Variants in ZNF611 observed in about 807,000 individuals in gnomAD.
ZNF611 encodes zinc finger protein 611.
Under a neutral mutation model 8.9 loss-of-function variants are expected in ZNF611, and 6 were observed. The ratio of observed to expected loss-of-function variants is 0.68; its 90% CI spans 0.37 to 1.34. ZNF611 has a LOEUF of 1.34. Among genes scored for constraint, ZNF611 ranks in the 40% most tolerant of loss-of-function variants. ZNF611 has a pLI of 0.02. For missense variants in ZNF611, 874 were observed against 841.3 expected (o/e 1.04, Z -0.48); for synonymous variants, 262 against 279.7 (o/e 0.94, Z 0.63).
At chr19:52,722,904 C>CA (rs2062368598) in intron 3 of ZNF611, among the ~76,000 whole-genome samples, 1 of 94,242 alleles carries the variant, frequency 1.1e-5, no homozygotes, top group Admixed American at 1.1e-4. Flanking sequence ...TTTTTGTTTT[C>CA]GTTTTTTTTT....
rs2062304592 is a variant in ZNF611, at chr19:52,714,720, T to G, written c.64-579A>C. 4.8e-5 allele frequency among the ~76,000 whole-genome samples: 3 copies of G among 62,228 alleles called. 1 individual carries two copies. Among genetic ancestry groups the G allele is most frequent in the African/African-American group, 3.0e-4 (3 of 10,054 alleles). The allele number at this position is 62,228 out of a possible 152,430, so 40.8% of individuals were successfully genotyped here. A position where few individuals can be genotyped will look rare whatever the true frequency, so the allele number is the denominator to read the frequency against. ...AAAACAAAACAAAACAAAAAAACAA[T>G]GCCGGGCAGTGACTGTCACCTGTAA... On this transcript the variant is annotated intron_variant, in intron 4 of 5. Coordinates refer to ENST00000652185, the MANE Select transcript of ZNF611 (RefSeq NM_001161499.2).
Position 52,706,683 on chromosome 19 carries a change from G to T in ZNF611, c.372C>A (p.Gly124=). The change falls in exon 6 of 6, where the codon GGC becomes GGA. Residue 124 remains glycine, a synonymous_variant. Coordinates refer to ENST00000652185, the MANE Select transcript of ZNF611 (RefSeq NM_001161499.2). ...TTATTTTTGTCATGGGTGCTTCAAGGCCATTTCTTTCATCTTCTTGACACT... is the reference window on the plus strand; with the variant it reads ...TTATTTTTGTCATGGGTGCTTCAAGTCCATTTCTTTCATCTTCTTGACACT... The part of the protein sequence containing the change: ...EFQCQEDERN[G]LEAPMTKIKK... The T allele has an allele frequency of 6.2e-7, 1 of 1,614,022 alleles. No individual in the cohort carries two copies. Among genetic ancestry groups the T allele is most frequent in the Non-Finnish European group, 8.5e-7 (1 of 1,180,000 alleles).
At chr19:52,721,892 T>A (rs1227319376) in intron 3 of ZNF611, among the ~76,000 whole-genome samples, 1 of 151,698 alleles carries the variant, frequency 6.6e-6, no homozygotes, top group Non-Finnish European at 1.5e-5. Context: ...AGCCTCCTAA[T>A]CCAAAATTAT....
Position 52,715,990 on chromosome 19 carries a change from G to A in ZNF611, c.-19-77C>T, listed in dbSNP as rs1353241277. 7 of 1,543,228 alleles carry A rather than the reference G, an allele frequency of 4.5e-6. No individual in the cohort carries two copies. In the South Asian group the frequency reaches 4.7e-5, roughly 10 times the overall value. On this transcript the variant is annotated intron_variant, in intron 3 of 5. Transcript: ENST00000652185. ...CTGTGACAAAAACACACGAACGGGG[G>A]AGACGTCACCCTGTAGAAAGAAGTC... is the stretch of plus-strand genomic sequence containing the variant.
Position 52,704,670 on chromosome 19 carries a change from G to C in ZNF611, c.*267C>G. On this transcript the variant is annotated 3_prime_UTR_variant, in exon 6 of 6. Transcript: ENST00000652185. ...TCGTTGTAGCATTACTGAAGACTTT[G>C]TGACAATCATTACATTAGTCAAGTT... The C allele has an allele frequency of 6.3e-7, 1 of 1,593,876 alleles. No individual in the cohort carries two copies. The highest frequency in any genetic ancestry group is 8.6e-7 in the Non-Finnish European group (1 of 1,162,624).
intron 2 of ZNF611, among the ~76,000 whole-genome samples, chr19:52,729,116 A>G (rs1006169994): frequency 9.9e-5 from 15 of 152,182 alleles, no homozygotes; most frequent in Non-Finnish European, 1.9e-4. Flanking sequence ...TGTGACCCTA[A>G]AGTGCATCAC....
At chr19:52,709,717 G>A (rs796521018) in intron 5 of ZNF611, among the ~76,000 whole-genome samples, 54 of 152,212 alleles carry the variant, frequency 3.5e-4, no homozygotes, top group African/African-American at 1.3e-3. Flanking sequence ...ACAGGCATGT[G>A]CCACCACTCC....
At position 52,703,929 on chromosome 19, in the gene ZNF611, C is replaced by T. The variant is rs7256563; in HGVS notation, c.*1008G>A. Reference sequence around the variant, plus strand: ...AAAAATTACTATGATATATCCCTTTCAAAAAGTACTAACTGAAAAAAGTAC... The same window carrying T: ...AAAAATTACTATGATATATCCCTTTTAAAAAGTACTAACTGAAAAAAGTAC... On this transcript the variant is annotated 3_prime_UTR_variant, in exon 6 of 6. Coordinates refer to ENST00000652185, the MANE Select transcript of ZNF611 (RefSeq NM_001161499.2). 0.67 allele frequency: 110,380 copies of T among 164,980 alleles called. 37,459 individuals are homozygous for T. Among genetic ancestry groups the T allele is most frequent in the African/African-American group, 0.73 (30,304 of 41,516 alleles). 10.2% of individuals were successfully genotyped at this position (164,980 alleles called of 1,614,324 possible). A position where few individuals can be genotyped will look rare whatever the true frequency, so the allele number is the denominator to read the frequency against.
intron 3 of ZNF611, among the ~76,000 whole-genome samples, chr19:52,728,413 C>T (rs111990358): frequency 0.032 from 4,880 of 152,178 alleles, 255 homozygotes; most frequent in African/African-American, 0.11. Context: ...CAGCGGGTGC[C>T]TGTAGTCCCA....
intron 3 of ZNF611, among the ~76,000 whole-genome samples, chr19:52,719,691 G>A (rs1308012904): frequency 6.6e-6 from 1 of 152,100 alleles, no homozygotes; most frequent in Admixed American, 6.6e-5. Context: ...CTCTCCATCT[G>A]TTTCTTTTCT....
chr19:52,728,206 G>A (rs368834987), intron 3 of ZNF611, among the ~76,000 whole-genome samples: 99 of 148,376 alleles, frequency 6.7e-4, no homozygotes, highest in African/African-American at 1.9e-3. Flanking sequence ...GCACCTGGCC[G>A]TTGTTTGCCT....
At position 52,706,146 on chromosome 19, in the gene ZNF611, G is replaced by A. The variant is rs56100304; in HGVS notation, c.909C>T (p.Thr303=). ...CTCCAGTATGAAGTCTACGATGGCA[G>A]GTAAGGGATGACTCCTGACTGAAGG... is the stretch of plus-strand genomic sequence containing the variant. ...GKTFSQESSL[T]CHRRLHTGVK... is the part of the protein sequence containing the mutation. The change falls in exon 6 of 6, where the codon ACC becomes ACT. Residue 303 remains threonine, a synonymous_variant. Coordinates refer to ENST00000652185, the MANE Select transcript of ZNF611 (RefSeq NM_001161499.2). The A allele has an allele frequency of 1.2e-6, 2 of 1,613,204 alleles. No homozygotes were observed. Among genetic ancestry groups the A allele is most frequent in the Non-Finnish European group, 1.7e-6 (2 of 1,179,754 alleles).
intron 3 of ZNF611, chr19:52,724,527 ATCTC>A (rs989963501): frequency 6.6e-5 from 10 of 152,186 alleles, no homozygotes; most frequent in African/African-American, 1.9e-4. Context: ...TAACAGTCTG[ATCTC>A]TCTTTTTTTT....
Position 52,706,614 on chromosome 19 carries a change from A to G in ZNF611, c.441T>C (p.Ala147=). ...GSTDQHDHRH[A]GNKPIKDQLG... The stretch of plus-strand genomic sequence containing the variant: ...GCTGATCTTTAATAGGCTTGTTTCC[A>G]GCATGCCTGTGATCATGTTGGTCTG... The change falls in exon 6 of 6, where the codon GCT becomes GCC. Residue 147 remains alanine (A), a synonymous_variant. Coordinates refer to ENST00000652185, the MANE Select transcript of ZNF611 (RefSeq NM_001161499.2). 1 of 1,614,160 alleles carries G rather than the reference A, an allele frequency of 6.2e-7. No homozygotes were observed. Among genetic ancestry groups the G allele is most frequent in the South Asian group, 1.1e-5 (1 of 91,086 alleles).
intron 3 of ZNF611, among the ~76,000 whole-genome samples, chr19:52,722,597 T>G (rs1391952307): frequency 6.6e-6 from 1 of 152,166 alleles, no homozygotes; most frequent in Non-Finnish European, 1.5e-5. Flanking sequence ...TGTACATGAC[T>G]CACATAGGAA....
intron 1 of ZNF611, among the ~76,000 whole-genome samples, chr19:52,733,058 G>A (rs1458048045): frequency 5.9e-5 from 9 of 152,150 alleles, no homozygotes; most frequent in Non-Finnish European, 1.0e-4. Context: ...GAAAAGGGGA[G>A]ACAGTGATTC....
At position 52,726,851 on chromosome 19, in the gene ZNF611, T is replaced by C. The variant is rs186927133; in HGVS notation, c.-20+1879A>G. On this transcript the variant is annotated intron_variant, in intron 3 of 5. Coordinates refer to ENST00000652185, the MANE Select transcript of ZNF611 (RefSeq NM_001161499.2). ...TTTGTGAAAGAGATCAATTACTTTC[T>C]CTTTTTTTACTTTTTTCTTTCCTTT... Among the ~76,000 whole-genome samples, 37 of 152,172 alleles carry C rather than the reference T, an allele frequency of 2.4e-4. No individual in the cohort carries two copies. The East Asian group carries it at 6.6e-3, about 27-fold the overall frequency.
At chr19:52,730,391 C>CAAAAAAAAAAAA (rs1159350274) in intron 1 of ZNF611, among the ~76,000 whole-genome samples, 1 of 73,534 alleles carries the variant, frequency 1.4e-5, no homozygotes, top group East Asian at 5.7e-4. Flanking sequence ...GACTCCGTCT[C>CAAAAAAAAAAAA]AAAAAAAAAA....
intron 3 of ZNF611, among the ~76,000 whole-genome samples, chr19:52,726,801 G>A (rs1221262298): frequency 6.6e-6 from 1 of 151,358 alleles, no homozygotes; most frequent in Non-Finnish European, 1.5e-5. Flanking sequence ...TTTCAATGTG[G>A]ATATCCAGTT....
Sources: gnomAD v4.1 joint callset for allele counts (sites outside exome capture counted in the v4.1 genomes callset) on GRCh38, gnomAD v4.1.1 for gene constraint, MANE v1.5 for transcripts, NCBI Gene and HGNC (gene_info 2026-07-23, HGNC 2026-07-21) for gene names.